The following WDR90 variants were observed in gnomAD, a reference collection of about 807,000 sequenced individuals.
The protein encoded by WDR90 is WD repeat-containing protein 90.
A neutral mutation model predicts 195.2 loss-of-function variants in WDR90; 238 were observed. The observed-to-expected ratio is 1.22, with a 90% CI of 1.10 to 1.36. The LOEUF is 1.36. WDR90 is among the 40% of genes most tolerant of loss of function. WDR90 has a pLI of 0.00. For missense variants in WDR90, 2,734 were observed against 2,439.5 expected (o/e 1.12, Z -2.54); for synonymous variants, 1,265 against 1,052.4 (o/e 1.20, Z -3.91).
At position 661,354 on chromosome 16, in the gene WDR90, G is replaced by A; in HGVS notation, c.3526G>A (p.Ala1176Thr). The change falls in exon 30 of 41, where the codon GCC (alanine) becomes ACC (threonine). Residue 1176 changes from alanine to threonine, a missense_variant. Ala to Thr is a moderately conservative substitution (Grantham distance 58, BLOSUM62 0). Transcript: ENST00000293879. ...LSHSAQVLAS[A>T]SGRSSTTAHC... Reference sequence around the variant, plus strand: ...TCTTGCCTGCCAGGTCCTGGCCTCTGCCTCGGGCCGAAGCAGCACGACCGC... The same window carrying A: ...TCTTGCCTGCCAGGTCCTGGCCTCTACCTCGGGCCGAAGCAGCACGACCGC... 1 of 1,604,446 alleles carries A rather than the reference G, an allele frequency of 6.2e-7. No individual in the cohort carries two copies. Among genetic ancestry groups the A allele is most frequent in the Non-Finnish European group, 8.5e-7 (1 of 1,177,000 alleles).
intron 27 of WDR90, 42 bp downstream of exon 27, chr16:660,203 C>G: frequency 6.9e-7 from 1 of 1,452,652 alleles, no homozygotes; most frequent in Non-Finnish European, 9.2e-7. Context: ...CCCCAGCAAG[C>G]ACAGAGGCCC....
rs1483330654 is a variant in WDR90, at chr16:656,492, C to T, written c.2157C>T (p.Ser719=). The change falls in exon 18 of 41, where the codon TCC becomes TCT. Residue 719 remains serine, a synonymous_variant. Coordinates refer to ENST00000293879, the MANE Select transcript of WDR90 (RefSeq NM_145294.5). ...EQRRGQLATV[S]QDRTVRIWDL... is the part of the protein sequence containing the mutation. ...GGCGGGGACAGCTGGCCACCGTGTCCCAGGACCGTACCGTCCGCATCTGGG... is the reference window on the plus strand; with the variant it reads ...GGCGGGGACAGCTGGCCACCGTGTCTCAGGACCGTACCGTCCGCATCTGGG... 15 of 1,582,228 alleles carry T rather than the reference C, an allele frequency of 9.5e-6. No individual in the cohort carries two copies. Among genetic ancestry groups the T allele is most frequent in the Non-Finnish European group, 1.1e-5 (13 of 1,167,160 alleles).
chr16:654,686 G>A, intron 13 of WDR90: 1 of 315,350 alleles, frequency 3.2e-6, no homozygotes, highest in Non-Finnish European at 6.0e-6. Context: ...CAGGGCTCAA[G>A]CAGTCCTCCC....
Position 665,681 on chromosome 16 carries a change from G to A in WDR90, c.4314G>A (p.Val1438=). The part of the protein sequence containing the change: ...TRLISGHRSK[V]NEVVFSPGES... The stretch of plus-strand genomic sequence containing the variant: ...AGCCTAGCTACGGCTTCCCCCAGGT[G>A]AACGAGGTGGTCTTCAGCCCCGGGG... Residue 1438 remains valine, a splice_region_variant and synonymous_variant, in exon 35 of 41, where the codon GTG becomes GTA. Transcript: ENST00000293879. The A allele has an allele frequency of 6.2e-7, 1 of 1,612,664 alleles. No homozygotes were observed. Among genetic ancestry groups the A allele is most frequent in the Non-Finnish European group, 8.5e-7 (1 of 1,179,906 alleles).
In WDR90 at chr16:662,862, T is replaced by C; in HGVS notation, c.4311+18T>C. 1 of 1,543,158 alleles carries C rather than the reference T, an allele frequency of 6.5e-7. No homozygotes were observed. The highest frequency in any genetic ancestry group is 8.7e-7 in the Non-Finnish European group (1 of 1,148,870). ...GGAGCAAGGTGAGGGACTTCCAGCC[T>C]GGGCAGAGGCGGGGCAGCCGAACCT... On this transcript the variant is annotated intron_variant, in intron 34 of 40. Transcript: ENST00000293879.
Position 652,530 on chromosome 16 carries a change from A to G in WDR90, c.1117A>G (p.Arg373Gly), listed in dbSNP as rs760895644. The G allele has an allele frequency of 1.9e-6, 3 of 1,608,246 alleles. No homozygotes were observed. Among genetic ancestry groups the G allele is most frequent in the Admixed American group, 1.7e-5 (1 of 59,444 alleles). ...CATCGGCTTTGGGGGCCACGGCACC[A>G]GACAGGTGAGGCTCCTGCGGCTGTG... ...GVIGFGGHGTRQALWTPDGAA... is the reference protein window; with the variant it reads ...GVIGFGGHGTGQALWTPDGAA... The change falls in exon 10 of 41, where the codon AGA becomes GGA. Residue 373 changes from arginine (R) to glycine (G), a missense_variant. Coordinates refer to ENST00000293879, the MANE Select transcript of WDR90 (RefSeq NM_145294.5).
chr16:656,408 G>A lies in WDR90; in HGVS notation c.2073G>A (p.Val691=), dbSNP rs368763594. The part of the protein sequence containing the change: ...HLGFLDTLSR[V]YHMLARSHTA... ...GCTTCCTGGACACGCTGTCCCGGGT[G>A]TACCACATGCTGGCTCGCTCCCACA... Residue 691 remains valine (V), a synonymous_variant, in exon 18 of 41, where the codon GTG becomes GTA. Coordinates refer to ENST00000293879, the MANE Select transcript of WDR90 (RefSeq NM_145294.5). 1.1e-5 allele frequency: 17 copies of A among 1,607,826 alleles called. No homozygotes were observed. Among genetic ancestry groups the A allele is most frequent in the East Asian group, 2.2e-5 (1 of 44,764 alleles).
In WDR90 at chr16:650,697, T is replaced by G. The variant is rs1298987824; in HGVS notation, c.547T>G (p.Cys183Gly). ...CAGGAACCTGTACACCAGTGACCTG[T>G]GCTTTGAGCCTGGTGAGGGCCGCAC... ...LVRNLYTSDL[C>G]FEPAISGAQW... Residue 183 changes from cysteine (C) to glycine (G), a missense_variant, in exon 5 of 41, where the codon TGC becomes GGC. Transcript: ENST00000293879. 6.2e-7 allele frequency: 1 copy of G among 1,608,388 alleles called. No homozygotes were observed. The highest frequency in any genetic ancestry group is 1.1e-5 in the South Asian group (1 of 91,020).
At position 661,077 on chromosome 16, in the gene WDR90, CTGG is replaced by C; in HGVS notation, c.3428_3430del (p.Val1143del). The C allele has an allele frequency of 3.4e-6, 5 of 1,455,838 alleles. No individual in the cohort carries two copies. The highest frequency in any genetic ancestry group is 3.8e-5 in the East Asian group (1 of 26,360). 90.2% of individuals were successfully genotyped at this position (1,455,838 alleles called of 1,614,324 possible). On this transcript the variant is annotated inframe_deletion, in exon 29 of 41. Transcript: ENST00000293879. ...CTTCTTTGCCTACACGTGCGGCCGC[CTGG>C]TGGTGGTGGAGGACCTGCACTCTGG...
chr16:652,562 G>A, intron 10 of WDR90, 27 bp downstream of exon 10: 1 of 1,586,184 alleles, frequency 6.3e-7, no homozygotes, highest in South Asian at 1.1e-5. Flanking sequence ...TGTGTCCAGA[G>A]CAGCTCTCGT....
chr16:649,774 C>G lies in WDR90; in HGVS notation c.22C>G (p.Pro8Ala), dbSNP rs1386289499. The part of the protein sequence containing the change: MARAWQH[P>A]FLNVFRHFRV... ...CCCGCTCCCCGCAGCGTGGCAGCAC[C>G]CGTTCCTCAACGTCTTCAGACACTT... The change falls in exon 2 of 41, where the codon CCG becomes GCG. Residue 8 changes from proline (P) to alanine (A), a missense_variant. Physicochemically the swap from Pro to Ala is conservative, Grantham distance 27 (BLOSUM62 -1). Transcript: ENST00000293879. 1 of 1,562,388 alleles carries G rather than the reference C, an allele frequency of 6.4e-7. No homozygotes were observed. The highest frequency in any genetic ancestry group is 2.4e-5 in the East Asian group (1 of 41,892).
intron 26 of WDR90, among the ~76,000 whole-genome samples, chr16:659,735 G>T (rs1247764009): frequency 6.6e-6 from 1 of 152,222 alleles, no homozygotes; most frequent in Non-Finnish European, 1.5e-5. Context: ...CTGGAGACGG[G>T]GCCTGGGCTG....
At position 658,609 on chromosome 16, in the gene WDR90, A is replaced by G; in HGVS notation, c.2851A>G (p.Ile951Val). The change falls in exon 23 of 41, where the codon ATC becomes GTC. Residue 951 changes from isoleucine to valine, a missense_variant. Physicochemically the swap from Ile to Val is conservative, Grantham distance 29 (BLOSUM62 3). Coordinates refer to ENST00000293879, the MANE Select transcript of WDR90 (RefSeq NM_145294.5). The stretch of plus-strand genomic sequence containing the variant: ...CCTGCTGATTGCCGCCGGCCGGACC[A>G]TCAAGGTGTGGGACTACGCCACACA... ...RFLLIAAGRT[I>V]KVWDYATQAS... 1.2e-6 allele frequency: 2 copies of G among 1,612,678 alleles called. No individual in the cohort carries two copies. Among genetic ancestry groups the G allele is most frequent in the Non-Finnish European group, 1.7e-6 (2 of 1,179,906 alleles).
At chr16:667,403 C>G in intron 40 of WDR90, 29 bp from the exon 41 acceptor site, 1 of 1,573,162 alleles carries the variant, frequency 6.4e-7, no homozygotes, top group South Asian at 1.2e-5. Flanking sequence ...TGGTCCTGGC[C>G]CTGGCCCACC....
chr16:666,338 C>G lies in WDR90; in HGVS notation c.4728C>G (p.Val1576=). Residue 1576 remains valine, a synonymous_variant, in exon 37 of 41, where the codon GTC becomes GTG. Transcript: ENST00000293879. ...GCGCCCCAATCTCTACCATCTGTGT[C>G]ACGTGCAAAGAGGTAAAGCAGCCCC... is the stretch of plus-strand genomic sequence containing the variant. ...HQGAPISTIC[V]TCKECEDLGV... The G allele has an allele frequency of 6.2e-7, 1 of 1,612,728 alleles. No homozygotes were observed. Among genetic ancestry groups the G allele is most frequent in the Non-Finnish European group, 8.5e-7 (1 of 1,179,982 alleles).
intron 9 of WDR90, 48 bp downstream of exon 9, chr16:652,087 G>A: frequency 6.5e-7 from 1 of 1,534,626 alleles, no homozygotes; most frequent in Non-Finnish European, 8.8e-7. Context: ...GTGTGGGCTG[G>A]GGCAGCTGGT....
At position 653,461 on chromosome 16, in the gene WDR90, G is replaced by A; in HGVS notation, c.1233+10G>A. On this transcript the variant is annotated intron_variant, in intron 11 of 40. Transcript: ENST00000293879. Reference sequence around the variant, plus strand: ...TGGCCACACAGACAAGGTGGGTGCTGCCCGGGCCTGGGGCAGCTCACACCT... The same window carrying A: ...TGGCCACACAGACAAGGTGGGTGCTACCCGGGCCTGGGGCAGCTCACACCT... 1 of 1,612,414 alleles carries A rather than the reference G, an allele frequency of 6.2e-7. No individual in the cohort carries two copies. The highest frequency in any genetic ancestry group is 8.5e-7 in the Non-Finnish European group (1 of 1,179,568).
chr16:651,533 T>C, intron 7 of WDR90, 111 bp from the exon 8 acceptor site: 16 of 1,128,328 alleles, frequency 1.4e-5, no homozygotes, highest in Non-Finnish European at 1.9e-5. Flanking sequence ...CTGTGGGTCC[T>C]GCAGAGCCGG....
chr16:653,452 G>GT lies in WDR90; in HGVS notation c.1233+2dup. ...CTTCTTCCTTGGCCACACAGACAAG[G>GT]TGGGTGCTGCCCGGGCCTGGGGCAG... On this transcript the variant is annotated splice_donor_variant, in intron 11 of 40. Transcript: ENST00000293879. LOFTEE classifies it high-confidence loss of function. 6.2e-7 allele frequency: 1 copy of GT among 1,612,458 alleles called. No homozygotes were observed. Among genetic ancestry groups the GT allele is most frequent in the Non-Finnish European group, 8.5e-7 (1 of 1,179,610 alleles).
Sources: allele counts gnomAD v4.1 joint callset (sites outside exome capture counted in the v4.1 genomes callset), GRCh38; gene constraint gnomAD v4.1.1; transcripts MANE v1.5; gene names NCBI Gene and HGNC (gene_info 2026-07-23, HGNC 2026-07-21).